Variants in SNAP29 observed in about 807,000 individuals in gnomAD.
SNAP29 encodes the protein synaptosomal-associated protein 29.
Under a neutral mutation model 27.9 loss-of-function variants are expected in SNAP29, and 13 were observed. The ratio of observed to expected loss-of-function variants is 0.47; its 90% confidence interval spans 0.30 to 0.74. The LOEUF is 0.74. SNAP29 is among the 30% of genes least tolerant of loss of function. The pLI is 0.06. For synonymous variants in SNAP29, 119 were observed against 127.1 expected, an observed-to-expected ratio of 0.94 and a Z score of 0.43; for missense variants, 368 against 336.5, an observed-to-expected ratio of 1.09 and a Z score of -0.73.
At chr22:20,867,289 T>TGGTTGGAGAA (rs1173559492) in intron 1 of SNAP29, among the ~76,000 whole-genome samples, 213 of 152,156 alleles carry the variant, frequency 1.4e-3, no homozygotes, top group Non-Finnish European at 2.3e-3. Context: ...TTCAGGGACC[T>TGGTTGGAGAA]CATTCTCCCA....
At chr22:20,873,595 A>T (rs2147866045) in intron 2 of SNAP29, among the ~76,000 whole-genome samples, 1 of 152,264 alleles carries the variant, frequency 6.6e-6, no homozygotes. Context: ...CTGTAATCCC[A>T]GCAATTTGGG....
At chr22:20,874,237 TGCAACAGTGAGCTGAGATCAC>T (rs1928672309) in intron 2 of SNAP29, among the ~76,000 whole-genome samples, 2 of 143,438 alleles carry the variant, frequency 1.4e-5, no homozygotes, top group Non-Finnish European at 3.2e-5. Flanking sequence ...ATCACGCCAC[TGCAACAGTGAGCTGAGATCAC>T]GCCACTGCAC....
intron 2 of SNAP29, among the ~76,000 whole-genome samples, chr22:20,879,850 T>TA (rs1928847249): frequency 1.1e-5 from 1 of 92,134 alleles, no homozygotes; most frequent in African/African-American, 4.6e-5. Flanking sequence ...CTGAAAAAAT[T>TA]TAAAAAAAAA....
chr22:20,859,581 G>T (rs900102714), intron 1 of SNAP29: 6 of 562,182 alleles, frequency 1.1e-5, no homozygotes, highest in Middle Eastern at 4.5e-4. Context: ...AGTCTGCTTC[G>T]TTGATTTTTT....
chr22:20,865,988 A>G (rs1012833539), intron 1 of SNAP29, among the ~76,000 whole-genome samples: 2 of 152,116 alleles, frequency 1.3e-5, no homozygotes, highest in Admixed American at 1.3e-4. Context: ...GGCCACCATC[A>G]TATATCACAT....
intron 1 of SNAP29, among the ~76,000 whole-genome samples, chr22:20,866,792 A>G (rs540384879): frequency 6.6e-6 from 1 of 152,242 alleles, no homozygotes; most frequent in African/African-American, 2.4e-5. Flanking sequence ...GTCCAAATGG[A>G]CAGGACCCCC....
intron 3 of SNAP29, among the ~76,000 whole-genome samples, chr22:20,882,421 A>G (rs563399600): frequency 5.3e-5 from 8 of 152,058 alleles, no homozygotes; most frequent in Non-Finnish European, 1.0e-4. Flanking sequence ...AGGCCCCCAC[A>G]ATAGCCAGGT....
In SNAP29 at chr22:20,869,808, T is replaced by A. The variant is rs187095525; in HGVS notation, c.238-529T>A. On this transcript the variant is annotated intron_variant, in intron 1 of 4. Coordinates refer to ENST00000215730, the MANE Select transcript of SNAP29 (RefSeq NM_004782.4). ...CCAACCGAGACGGAGTCTTGCTCTG[T>A]CGCCCAGGCTGGAGTACATTGGCAC... is the stretch of plus-strand genomic sequence containing the variant. Among the ~76,000 whole-genome samples, 10 of 152,024 alleles carry A rather than the reference T, an allele frequency of 6.6e-5. No individual in the cohort carries two copies. The East Asian group carries it at 1.9e-3, about 30-fold the overall frequency.
chr22:20,890,262 G>A lies in SNAP29; in HGVS notation c.*2426G>A, dbSNP rs1929117560. On this transcript the variant is annotated 3_prime_UTR_variant, in exon 5 of 5. Transcript: ENST00000215730. The stretch of plus-strand genomic sequence containing the variant: ...CAGAAACTTTTCACATGATGATTGG[G>A]ATCGACAAAAAAATGCTACCCTCTA... 5.0e-6 allele frequency: 2 copies of A among 398,342 alleles called. No individual in the cohort carries two copies. Among genetic ancestry groups the A allele is most frequent in the Non-Finnish European group, 8.8e-6 (2 of 226,048 alleles). 24.7% of individuals were successfully genotyped at this position (398,342 alleles called of 1,614,324 possible).
Position 20,876,255 on chromosome 22 carries a change from C to CT in SNAP29, c.435-4774dup, listed in dbSNP as rs539425477. ...GAATACTGTCACTTAAAAACTTTGC[C>CT]TTTTTTTTTTTTTTTTTTTTAAGAC... On this transcript the variant is annotated intron_variant, in intron 2 of 4. Coordinates refer to ENST00000215730, the MANE Select transcript of SNAP29 (RefSeq NM_004782.4). Among the ~76,000 whole-genome samples the CT allele has an allele frequency of 6.1e-3, 795 of 129,578 alleles. 6 individuals carry two copies. The highest frequency in any genetic ancestry group is 0.013 in the Middle Eastern group (3 of 238). The allele number at this position is 129,578 out of a possible 152,430, so 85.0% of individuals were successfully genotyped here. A position where few individuals can be genotyped will look rare whatever the true frequency, so the allele number is the denominator to read the frequency against.
At position 20,870,417 on chromosome 22, in the gene SNAP29, G is replaced by C. The variant is rs201300635; in HGVS notation, c.318G>C (p.Gln106His). ...DKMDQDLKIS[Q>H]KHINSIKSVF... ...TGGACCAAGATTTGAAGATCAGCCA[G>C]AAACACATCAATAGCATTAAGAGCG... The change falls in exon 2 of 5, where the codon CAG (glutamine) becomes CAC (histidine). Residue 106 changes from glutamine (Q) to histidine (H), a missense_variant. Coordinates refer to ENST00000215730, the MANE Select transcript of SNAP29 (RefSeq NM_004782.4). The C allele has an allele frequency of 5.6e-6, 9 of 1,614,184 alleles. No individual in the cohort carries two copies. In the East Asian group the frequency reaches 6.7e-5, roughly 12 times the overall value.
At chr22:20,878,263 C>G (rs551576150) in intron 2 of SNAP29, among the ~76,000 whole-genome samples, 1 of 152,058 alleles carries the variant, frequency 6.6e-6, no homozygotes, top group Non-Finnish European at 1.5e-5. Context: ...CAAGGCAGGC[C>G]GGGCACGGTG....
chr22:20,882,387 T>C (rs763253533), intron 3 of SNAP29, among the ~76,000 whole-genome samples: 21 of 152,014 alleles, frequency 1.4e-4, no homozygotes, highest in Non-Finnish European at 2.1e-4. Context: ...GAAAGGAATT[T>C]AGGGCTCCTG....
In SNAP29 at chr22:20,888,032, C is replaced by T. The variant is rs943483547; in HGVS notation, c.*196C>T. ...CATTTTCCTAGGGTTAACACCTCACCAAGTTCTTCCAGCAAAATGCTTATT... is the reference window on the plus strand; with the variant it reads ...CATTTTCCTAGGGTTAACACCTCACTAAGTTCTTCCAGCAAAATGCTTATT... On this transcript the variant is annotated 3_prime_UTR_variant, in exon 5 of 5. Coordinates refer to ENST00000215730, the MANE Select transcript of SNAP29 (RefSeq NM_004782.4). The T allele has an allele frequency of 5.1e-6, 3 of 593,768 alleles. No homozygotes were observed. Among genetic ancestry groups the T allele is most frequent in the Non-Finnish European group, 5.9e-6 (2 of 337,188 alleles). 36.8% of individuals were successfully genotyped at this position (593,768 alleles called of 1,614,324 possible).
chr22:20,859,163 A>G lies in SNAP29; in HGVS notation c.53A>G (p.Glu18Gly). 1 of 1,606,562 alleles carries G rather than the reference A, an allele frequency of 6.2e-7. No homozygotes were observed. Among genetic ancestry groups the G allele is most frequent in the Non-Finnish European group, 8.5e-7 (1 of 1,177,766 alleles). The change falls in exon 1 of 5, where the codon GAA becomes GGA. Residue 18 changes from glutamate (E) to glycine (G), a missense_variant. Glu to Gly is a moderately conservative substitution (Grantham distance 98). Transcript: ENST00000215730. ...CCGTTCGACGACGACGGGGAGGACG[A>G]AGGCGCCCGGCCGGCCCCTTGGAGG... ...YNPFDDDGEDEGARPAPWRDA... is the reference protein window; with the variant it reads ...YNPFDDDGEDGGARPAPWRDA...
chr22:20,876,255 CT>C (rs539425477), intron 2 of SNAP29, among the ~76,000 whole-genome samples: 23,761 of 129,502 alleles, frequency 0.18, 2,453 homozygotes, highest in East Asian at 0.39. Flanking sequence ...AAAACTTTGC[CT>C]TTTTTTTTTT....
At position 20,888,287 on chromosome 22, in the gene SNAP29, A is replaced by G. The variant is rs1436737551; in HGVS notation, c.*451A>G. 3.5e-6 allele frequency: 1 copy of G among 282,270 alleles called. No individual in the cohort carries two copies. The highest frequency in any genetic ancestry group is 2.3e-5 in the African/African-American group (1 of 43,026). The allele number at this position is 282,270 out of a possible 1,614,324, so 17.5% of individuals were successfully genotyped here. A position where few individuals can be genotyped will look rare whatever the true frequency, so the allele number is the denominator to read the frequency against. ...CGTTTGGTGGAGGAGGGTCCTTCCCACACCTTTGTTTAGGAGTCATCATTC... is the reference window on the plus strand; with the variant it reads ...CGTTTGGTGGAGGAGGGTCCTTCCCGCACCTTTGTTTAGGAGTCATCATTC... On this transcript the variant is annotated 3_prime_UTR_variant, in exon 5 of 5. Coordinates refer to ENST00000215730, the MANE Select transcript of SNAP29 (RefSeq NM_004782.4).
At chr22:20,886,199 G>A (rs568944779) in intron 4 of SNAP29, among the ~76,000 whole-genome samples, 1 of 151,234 alleles carries the variant, frequency 6.6e-6, no homozygotes, top group Admixed American at 6.6e-5. Flanking sequence ...TGTTGCCCAG[G>A]CTAGTCTCCA....
chr22:20,866,935 G>A (rs529820545), intron 1 of SNAP29, among the ~76,000 whole-genome samples: 56 of 152,250 alleles, frequency 3.7e-4, no homozygotes, highest in African/African-American at 1.3e-3. Context: ...GTGTGCACGC[G>A]TGCAGTAGCT....
Sources: allele counts gnomAD v4.1 joint callset (sites outside exome capture counted in the v4.1 genomes callset), GRCh38; gene constraint gnomAD v4.1.1; transcripts MANE v1.5; gene names NCBI Gene and HGNC (gene_info 2026-07-23, HGNC 2026-07-21).